The following TENM3 variants were observed in gnomAD, a reference collection of about 807,000 sequenced individuals.
The protein encoded by TENM3 is teneurin-3.
In TENM3, 63 loss-of-function variants were observed where a neutral mutation model predicts 255.1. The observed-to-expected ratio is 0.25, with a 90% confidence interval of 0.20 to 0.30. TENM3 has a LOEUF of 0.30. TENM3 is among the 10% of genes least tolerant of loss of function. TENM3 has a pLI of 1.00. For missense variants in TENM3, 2,929 were observed against 3,461.1 expected (o/e 0.85, Z 3.86); for synonymous variants, 1,306 against 1,322.3 (o/e 0.99, Z 0.27).
intron 3 of TENM3, among the ~76,000 whole-genome samples, chr4:182,363,913 G>T (rs1012412117): frequency 6.6e-6 from 1 of 152,106 alleles, no homozygotes; most frequent in African/African-American, 2.4e-5. Flanking sequence ...TTTGAAAGTA[G>T]TTGAATGAAA....
intron 3 of TENM3, among the ~76,000 whole-genome samples, chr4:182,552,025 C>CAA (rs11354411): frequency 3.7e-5 from 4 of 108,714 alleles, no homozygotes; most frequent in Non-Finnish European, 4.1e-5. Flanking sequence ...GACCCTGTCT[C>CAA]AAAAAAAAAA....
At chr4:181,459,850 A>G in the TENM3 span, among the ~76,000 whole-genome samples, 7 of 151,882 alleles carry the variant, frequency 4.6e-5, no homozygotes, top group Admixed American at 6.6e-5. Flanking sequence ...AACCTCAAAA[A>G]CCTGTTGAAA....
intron 3 of TENM3, among the ~76,000 whole-genome samples, chr4:182,513,979 C>T (rs1369539614): frequency 6.6e-6 from 1 of 152,206 alleles, no homozygotes; most frequent in Non-Finnish European, 1.5e-5. Flanking sequence ...CCCATTTCTT[C>T]CCAAGGAAAC....
intron 22 of TENM3, among the ~76,000 whole-genome samples, chr4:182,763,899 G>A (rs556431413): frequency 6.6e-6 from 1 of 152,046 alleles, no homozygotes; most frequent in Admixed American, 6.6e-5. Flanking sequence ...TGTTCATATC[G>A]GTGTATCCAT....
chr4:182,306,834 A>G (rs1762162116), intron 1 of TENM3, among the ~76,000 whole-genome samples: 1 of 152,294 alleles, frequency 6.6e-6, no homozygotes, highest in Admixed American at 6.5e-5. Context: ...CCAAACTGTA[A>G]TAAGCCTTAG....
At chr4:182,055,878 G>C in the TENM3 span, among the ~76,000 whole-genome samples, 2 of 152,120 alleles carry the variant, frequency 1.3e-5, no homozygotes, top group Non-Finnish European at 2.9e-5. Context: ...GAAAGTGTTA[G>C]AGGAAGGGAA....
chr4:182,705,097 A>G (rs545560842), intron 12 of TENM3, among the ~76,000 whole-genome samples: 2 of 152,324 alleles, frequency 1.3e-5, no homozygotes, highest in South Asian at 4.1e-4. Flanking sequence ...AGGAACATCA[A>G]ATCAATGGGT....
chr4:182,676,461 GA>G (rs1755670008), intron 7 of TENM3, among the ~76,000 whole-genome samples: 1 of 151,264 alleles, frequency 6.6e-6, no homozygotes, highest in African/African-American at 2.4e-5. Flanking sequence ...TAAAATGAAA[GA>G]GTTGGATCAG....
At chr4:182,624,207 A>T (rs965749868) in intron 4 of TENM3, among the ~76,000 whole-genome samples, 7 of 152,118 alleles carry the variant, frequency 4.6e-5, no homozygotes, top group Non-Finnish European at 7.3e-5. Context: ...TATTTTTTCT[A>T]GTCTAAGGGG....
the TENM3 span, among the ~76,000 whole-genome samples, chr4:181,629,653 T>C: frequency 5.3e-5 from 8 of 152,334 alleles, no homozygotes; most frequent in Non-Finnish European, 1.0e-4. Context: ...GATTTGCATA[T>C]GTTGAACCAG....
chr4:182,696,913 C>A (rs934174283), intron 12 of TENM3, among the ~76,000 whole-genome samples: 2 of 152,114 alleles, frequency 1.3e-5, no homozygotes, highest in African/African-American at 2.4e-5. Flanking sequence ...CCCTGGATTT[C>A]CCCCTGGTTC....
chr4:181,629,235 G>A, the TENM3 span, among the ~76,000 whole-genome samples: 2 of 152,068 alleles, frequency 1.3e-5, no homozygotes, highest in Non-Finnish European at 2.9e-5. Context: ...GGAGATTTTG[G>A]GCTGAGACAA....
chr4:182,618,731 TC>T, intron 4 of TENM3, among the ~76,000 whole-genome samples: 1 of 152,162 alleles, frequency 6.6e-6, no homozygotes, highest in East Asian at 1.9e-4. Context: ...ACTGTGCGGG[TC>T]CAAAATTTAA....
the TENM3 span, among the ~76,000 whole-genome samples, chr4:181,588,163 G>T: frequency 6.6e-6 from 1 of 152,144 alleles, no homozygotes; most frequent in Non-Finnish European, 1.5e-5. Context: ...ACAGGGGAGC[G>T]GCCTCTGCTC....
the TENM3 span, among the ~76,000 whole-genome samples, chr4:181,984,366 G>A: frequency 1.3e-5 from 2 of 152,046 alleles, no homozygotes; most frequent in East Asian, 3.9e-4. Context: ...GAAAATGTAT[G>A]CCTATGACAG....
At chr4:182,309,952 C>A (rs1762346949) in intron 1 of TENM3, among the ~76,000 whole-genome samples, 1 of 152,178 alleles carries the variant, frequency 6.6e-6, no homozygotes, top group Non-Finnish European at 1.5e-5. Flanking sequence ...ATTTAATCTT[C>A]ATAATATCTC....
the TENM3 span, among the ~76,000 whole-genome samples, chr4:182,108,382 C>T: frequency 5.3e-5 from 8 of 152,264 alleles, 1 homozygote; most frequent in South Asian, 1.7e-3. Context: ...GTTTTTCCTT[C>T]GTTTCCTGGA....
At chr4:181,499,787 T>C in the TENM3 span, among the ~76,000 whole-genome samples, 1 of 152,116 alleles carries the variant, frequency 6.6e-6, no homozygotes. Context: ...AAGTAGACAC[T>C]CGGGTGTTTC....
At chr4:182,184,079 A>G (rs961933611) in intron 1 of TENM3, among the ~76,000 whole-genome samples, 1 of 152,176 alleles carries the variant, frequency 6.6e-6, no homozygotes, top group Non-Finnish European at 1.5e-5. Flanking sequence ...TGATTCCTCA[A>G]CTTCAAAAAG....
Sources: allele counts gnomAD v4.1 joint callset (sites outside exome capture counted in the v4.1 genomes callset), GRCh38; gene constraint gnomAD v4.1.1; transcripts MANE v1.5; gene names NCBI Gene and HGNC (gene_info 2026-07-23, HGNC 2026-07-21).